Variants in TANC1 observed in about 807,000 individuals in gnomAD.
TANC1 encodes tetratricopeptide repeat, ankyrin repeat and coiled-coil containing 1.
TANC1 carries 77 observed loss-of-function variants against 149.7 expected under a neutral mutation model. The observed-to-expected ratio is 0.51, with a 90% CI of 0.43 to 0.62. TANC1 has a LOEUF of 0.62. TANC1 is among the 20% of genes least tolerant of loss of function. The probability of loss-of-function intolerance (pLI) is 0.00; values close to 1 mark genes in which losing one functional copy is unlikely to be tolerated. For synonymous variants in TANC1, 854 were observed against 925.0 expected (o/e 0.92, Z 1.39); for missense variants, 1,985 against 2,321.8 (o/e 0.85, Z 2.98).
At chr2:159,050,467 C>G (rs2041388004) in intron 2 of TANC1, among the ~76,000 whole-genome samples, 1 of 152,170 alleles carries the variant, frequency 6.6e-6, no homozygotes, top group African/African-American at 2.4e-5. Flanking sequence ...TGCTGTGTAA[C>G]AGAGACTTGT....
At chr2:159,022,004 G>A (rs1384731583) in intron 2 of TANC1, among the ~76,000 whole-genome samples, 1 of 152,196 alleles carries the variant, frequency 6.6e-6, no homozygotes, top group Non-Finnish European at 1.5e-5. Flanking sequence ...AATTAATGGA[G>A]AGATCAATGT....
At chr2:159,084,301 C>T (rs531291977) in intron 3 of TANC1, among the ~76,000 whole-genome samples, 1 of 152,104 alleles carries the variant, frequency 6.6e-6, no homozygotes, top group Admixed American at 6.5e-5. Flanking sequence ...TCCTAGCTCC[C>T]CCCCCAATAC....
chr2:159,076,606 C>G (rs564272526), intron 3 of TANC1, among the ~76,000 whole-genome samples: 2 of 152,328 alleles, frequency 1.3e-5, no homozygotes, highest in South Asian at 4.1e-4. Flanking sequence ...GTGCAAACTT[C>G]TATCCATGGC....
At chr2:159,219,131 G>A in intron 20 of TANC1, 107 bp from the exon 21 acceptor site, 1 of 1,453,242 alleles carries the variant, frequency 6.9e-7, no homozygotes, top group Middle Eastern at 2.2e-4. Flanking sequence ...ACAGATTTTT[G>A]AAAGAAAGTC....
At chr2:159,022,414 G>A (rs264578) in intron 2 of TANC1, among the ~76,000 whole-genome samples, 52,161 of 151,922 alleles carry the variant, frequency 0.34, 9,842 homozygotes, top group East Asian at 0.51. Flanking sequence ...TGTTTGTTCC[G>A]GGGTTCTATT....
At chr2:159,207,829 G>T (rs1322083188) in intron 19 of TANC1, among the ~76,000 whole-genome samples, 1 of 150,900 alleles carries the variant, frequency 6.6e-6, no homozygotes, top group Non-Finnish European at 1.5e-5. Context: ...ACTAAGAGTA[G>T]TGCTTGCCTC....
chr2:159,128,495 T>C (rs2049725748), intron 4 of TANC1, among the ~76,000 whole-genome samples: 1 of 152,224 alleles, frequency 6.6e-6, no homozygotes, highest in Non-Finnish European at 1.5e-5. Context: ...ATTGCCCTCC[T>C]CTTTGGCCAA....
chr2:159,157,374 T>C (rs2053551072), intron 7 of TANC1, among the ~76,000 whole-genome samples: 1 of 152,196 alleles, frequency 6.6e-6, no homozygotes, highest in Non-Finnish European at 1.5e-5. Context: ...CTGGCAATTC[T>C]GGCCAGAAAG....
chr2:159,030,648 C>T (rs193054493), intron 2 of TANC1, among the ~76,000 whole-genome samples: 213 of 152,300 alleles, frequency 1.4e-3, no homozygotes, highest in African/African-American at 5.0e-3. Flanking sequence ...CTTCAGCATA[C>T]TCAAAGCCAA....
At position 159,013,272 on chromosome 2, in the gene TANC1, A is replaced by G. The variant is rs979307310; in HGVS notation, c.-16+12083A>G. 3.3e-5 allele frequency among the ~76,000 whole-genome samples: 5 copies of G among 152,342 alleles called. No homozygotes were observed. The South Asian group carries it at 6.2e-4, about 19-fold the overall frequency. ...TTATGTTTGGTGCACTAACCAGGAC[A>G]GTTACGTCATATTCCTGCAGTCAAA... On this transcript the variant is annotated intron_variant, in intron 2 of 26. Transcript: ENST00000263635.
At chr2:159,075,684 G>T in intron 3 of TANC1, among the ~76,000 whole-genome samples, 1 of 151,292 alleles carries the variant, frequency 6.6e-6, no homozygotes, top group Non-Finnish European at 1.5e-5. Context: ...TCATTTTTTT[G>T]TATAAAAAAA....
At chr2:159,215,850 T>C (rs1466527332) in intron 19 of TANC1, among the ~76,000 whole-genome samples, 1 of 152,246 alleles carries the variant, frequency 6.6e-6, no homozygotes, top group African/African-American at 2.4e-5. Context: ...ATGGTGTTTA[T>C]TCTTGTAGAC....
In TANC1 at chr2:159,178,721, G is replaced by A. The variant is rs761319802; in HGVS notation, c.2068G>A (p.Gly690Arg). ...LNGKADATLI[G>R]KVSSHLVLRS... ...TGGCAAGGCCGATGCCACACTCATT[G>A]GAAAAGTGAGCAGCCACCTGGTGCT... Residue 690 changes from glycine (G) to arginine (R), a missense_variant, in exon 14 of 27, where the codon GGA becomes AGA. Coordinates refer to ENST00000263635, the MANE Select transcript of TANC1 (RefSeq NM_033394.3). The A allele has an allele frequency of 3.7e-6, 6 of 1,614,046 alleles. No homozygotes were observed. The highest frequency in any genetic ancestry group is 5.1e-6 in the Non-Finnish European group (6 of 1,180,046).
chr2:158,974,527 G>T (rs955852846), intron 1 of TANC1, among the ~76,000 whole-genome samples: 1 of 152,138 alleles, frequency 6.6e-6, no homozygotes, highest in Admixed American at 6.5e-5. Flanking sequence ...TTGCCTCCCG[G>T]GTTCAAGTGA....
chr2:159,016,362 C>T (rs1311835700), intron 2 of TANC1, among the ~76,000 whole-genome samples: 2 of 152,116 alleles, frequency 1.3e-5, no homozygotes, highest in Admixed American at 6.6e-5. Context: ...TCCCACAACA[C>T]GTGGGAATTA....
At chr2:159,012,623 T>G (rs760608368) in intron 2 of TANC1, among the ~76,000 whole-genome samples, 3 of 152,214 alleles carry the variant, frequency 2.0e-5, no homozygotes, top group Non-Finnish European at 4.4e-5. Flanking sequence ...TGTGGGCAAC[T>G]GACTTGTCAA....
At chr2:159,061,751 C>T (rs1183632216) in intron 2 of TANC1, among the ~76,000 whole-genome samples, 2 of 152,204 alleles carry the variant, frequency 1.3e-5, no homozygotes, top group Non-Finnish European at 2.9e-5. Context: ...CTCCCCTACA[C>T]TCTCTTCCTC....
At chr2:159,165,247 T>C (rs1306048521) in intron 8 of TANC1, among the ~76,000 whole-genome samples, 1 of 152,200 alleles carries the variant, frequency 6.6e-6, no homozygotes, top group African/African-American at 2.4e-5. Context: ...GCTGAGCTTT[T>C]CCAGGAGGCT....
At position 159,231,007 on chromosome 2, in the gene TANC1, G is replaced by A; in HGVS notation, c.5581G>A (p.Val1861Met). The change falls in exon 27 of 27, where the codon GTG becomes ATG. Residue 1861 changes from valine to methionine, a missense_variant. By Grantham distance (21) the Val-to-Met change is conservative (BLOSUM62 1). Coordinates refer to ENST00000263635, the MANE Select transcript of TANC1 (RefSeq NM_033394.3). ...AAAGCGATCATTTATAGAGTCAAATGTGTGAACCTTAAGAAATCCCCATTT... is the reference window on the plus strand; with the variant it reads ...AAAGCGATCATTTATAGAGTCAAATATGTGAACCTTAAGAAATCCCCATTT... ...KPKRSFIESNV is the reference protein window; with the variant it reads ...KPKRSFIESNM 2 of 1,601,038 alleles carry A rather than the reference G, an allele frequency of 1.2e-6. No individual in the cohort carries two copies. Among genetic ancestry groups the A allele is most frequent in the Non-Finnish European group, 1.7e-6 (2 of 1,172,608 alleles).
Sources: gnomAD v4.1 joint callset for allele counts (sites outside exome capture counted in the v4.1 genomes callset) on GRCh38, gnomAD v4.1.1 for gene constraint, MANE v1.5 for transcripts, NCBI Gene and HGNC (gene_info 2026-07-23, HGNC 2026-07-21) for gene names.